The following SMAD7 variants were observed in gnomAD, a reference collection of about 807,000 sequenced individuals.
SMAD7 encodes SMAD family member 7.
Under a neutral mutation model 38.7 loss-of-function variants are expected in SMAD7, and 8 were observed. The observed-to-expected ratio is 0.21, with a 90% CI of 0.12 to 0.37. The LOEUF is 0.37. Among genes scored for constraint, SMAD7 ranks in the 10% least tolerant of loss-of-function variants. SMAD7 has a pLI of 1.00. For missense variants in SMAD7, 477 were observed against 577.9 expected (o/e 0.83, Z 1.79); for synonymous variants, 327 against 265.1 (o/e 1.23, Z -2.27).
chr18:48,922,796 G>A (rs1369233391), intron 3 of SMAD7, among the ~76,000 whole-genome samples: 2 of 152,050 alleles, frequency 1.3e-5, no homozygotes. Context: ...TTCCACAGAA[G>A]CATCTGGAGC....
chr18:48,941,808 C>T (rs1250576289), intron 3 of SMAD7, among the ~76,000 whole-genome samples: 1 of 152,194 alleles, frequency 6.6e-6, no homozygotes, highest in African/African-American at 2.4e-5. Context: ...GCTCTGGCTA[C>T]CCCGTGCCTG....
chr18:48,922,378 G>A (rs1310045475), intron 3 of SMAD7, among the ~76,000 whole-genome samples: 2 of 152,144 alleles, frequency 1.3e-5, no homozygotes, highest in Non-Finnish European at 2.9e-5. Flanking sequence ...CAGAAAGCCT[G>A]CTGCTGGAGT....
At chr18:48,930,623 T>TC (rs1474577422) in intron 3 of SMAD7, among the ~76,000 whole-genome samples, 1 of 151,844 alleles carries the variant, frequency 6.6e-6, no homozygotes, top group East Asian at 1.9e-4. Context: ...GGACAGACTG[T>TC]CCCCTCCCCG....
At chr18:48,945,757 C>A (rs960255023) in intron 2 of SMAD7, among the ~76,000 whole-genome samples, 2 of 152,162 alleles carry the variant, frequency 1.3e-5, no homozygotes, top group South Asian at 2.1e-4. Flanking sequence ...AGCAACCCCC[C>A]AAGGCCAGCC....
chr18:48,924,194 G>A (rs974790928), intron 3 of SMAD7, among the ~76,000 whole-genome samples: 1 of 149,864 alleles, frequency 6.7e-6, no homozygotes, highest in African/African-American at 2.5e-5. Flanking sequence ...AGGAAGACTC[G>A]AGGAGCTGCT....
In SMAD7 at chr18:48,921,367, C is replaced by A; in HGVS notation, c.*5G>T. 1 of 1,606,288 alleles carries A rather than the reference C, an allele frequency of 6.2e-7. No individual in the cohort carries two copies. The highest frequency in any genetic ancestry group is 2.2e-5 in the East Asian group (1 of 44,668). On this transcript the variant is annotated 3_prime_UTR_variant, in exon 4 of 4. Coordinates refer to ENST00000262158, the MANE Select transcript of SMAD7 (RefSeq NM_005904.4). This position sits in a 1 kb window ranked among gnomAD's most constrained non-coding sequence, Gnocchi z 6.4. ...CAGCTCACGCTCTGTCCCCTCCGCACGCGGCTACCGGCTGTTGAAGATGAC... is the reference window on the plus strand; with the variant it reads ...CAGCTCACGCTCTGTCCCCTCCGCAAGCGGCTACCGGCTGTTGAAGATGAC...
intron 1 of SMAD7, 28 bp downstream of exon 1, chr18:48,949,784 T>C: frequency 2.6e-6 from 4 of 1,556,594 alleles, no homozygotes; most frequent in Non-Finnish European, 3.5e-6. Context: ...CTCCGGAAAA[T>C]GTTGGGGGTA....
chr18:48,930,830 G>T (rs1488691024), intron 3 of SMAD7, among the ~76,000 whole-genome samples: 1 of 152,218 alleles, frequency 6.6e-6, no homozygotes, highest in Non-Finnish European at 1.5e-5. Context: ...ATACCCAGAA[G>T]AACTGAAAGC....
intron 3 of SMAD7, 54 bp downstream of exon 3, chr18:48,942,427 T>A: frequency 7.8e-7 from 1 of 1,275,622 alleles, no homozygotes; most frequent in Non-Finnish European, 1.1e-6. Context: ...CTCCAGTCTT[T>A]AGCAATTTCA....
chr18:48,937,675 C>A (rs924025671), intron 3 of SMAD7, among the ~76,000 whole-genome samples: 2 of 152,208 alleles, frequency 1.3e-5, no homozygotes, highest in Non-Finnish European at 2.9e-5. Context: ...CCAGCCCTGA[C>A]TCATCCTGTT....
intron 3 of SMAD7, among the ~76,000 whole-genome samples, chr18:48,924,958 T>G (rs2069908691): frequency 6.6e-6 from 1 of 152,218 alleles, no homozygotes; most frequent in African/African-American, 2.4e-5. Flanking sequence ...TTGGGCTCAT[T>G]TCTGGGAAAT....
At chr18:48,942,756 C>G in intron 2 of SMAD7, 2 of 1,428,790 alleles carry the variant, frequency 1.4e-6, no homozygotes, top group East Asian at 2.9e-5. Context: ...TGTCACCCGT[C>G]TGGGCTCCGG....
chr18:48,935,681 G>A (rs947489939), intron 3 of SMAD7, among the ~76,000 whole-genome samples: 3 of 152,164 alleles, frequency 2.0e-5, no homozygotes, highest in Admixed American at 1.3e-4. Context: ...AAGTCAGGCC[G>A]GGAATCAAAC....
chr18:48,948,585 A>C (rs1213702001), intron 1 of SMAD7, 148 bp from the exon 2 acceptor site: 1 of 528,282 alleles, frequency 1.9e-6, no homozygotes, highest in Non-Finnish European at 3.4e-6. Context: ...TTGCCTTGAT[A>C]TTTAGCTGTC....
intron 3 of SMAD7, among the ~76,000 whole-genome samples, chr18:48,931,409 C>A (rs1365260235): frequency 1.3e-5 from 2 of 152,144 alleles, no homozygotes; most frequent in Non-Finnish European, 2.9e-5. Context: ...CATAGATTTC[C>A]TGAACTGGGG....
In SMAD7 at chr18:48,921,979, G is replaced by GCC. The variant is rs564410300; in HGVS notation, c.743-71_743-70dup. Reference sequence around the variant, plus strand: ...GGTGACTCCTAGAATGAAGACACCCGCCCCCCCACTGCACCCAGTCACCAG... The same window carrying GCC: ...GGTGACTCCTAGAATGAAGACACCCGCCCCCCCCCACTGCACCCAGTCACCAG... On this transcript the variant is annotated intron_variant, in intron 3 of 3. Transcript: ENST00000262158. This position sits in a 1 kb window ranked among gnomAD's most constrained non-coding sequence, Gnocchi z 6.4. 2 of 1,212,794 alleles carry GCC rather than the reference G, an allele frequency of 1.6e-6. No individual in the cohort carries two copies. The highest frequency in any genetic ancestry group is 4.7e-5 in the East Asian group (2 of 42,538). 75.1% of individuals were successfully genotyped at this position (1,212,794 alleles called of 1,614,324 possible).
At chr18:48,927,982 C>T (rs2069949314) in intron 3 of SMAD7, among the ~76,000 whole-genome samples, 1 of 152,202 alleles carries the variant, frequency 6.6e-6, no homozygotes, top group Non-Finnish European at 1.5e-5. Flanking sequence ...GAGCTGTGGA[C>T]ACAGGCCTCT....
chr18:48,930,705 C>T (rs992195980), intron 3 of SMAD7, among the ~76,000 whole-genome samples: 50 of 119,298 alleles, frequency 4.2e-4, no homozygotes, highest in Admixed American at 1.7e-3. Context: ...CCACCGCATG[C>T]GATCGGTGTG....
chr18:48,922,254 T>G (rs970181910), intron 3 of SMAD7, among the ~76,000 whole-genome samples: 5 of 152,188 alleles, frequency 3.3e-5, no homozygotes, highest in African/African-American at 1.2e-4. Context: ...TAGTCTGCTT[T>G]TAGGGCCTCA....
Sources: allele counts gnomAD v4.1 joint callset (sites outside exome capture counted in the v4.1 genomes callset), GRCh38; gene constraint gnomAD v4.1.1; non-coding constraint Gnocchi (gnomAD v3.1); transcripts MANE v1.5; gene names NCBI Gene and HGNC (gene_info 2026-07-23, HGNC 2026-07-21).